Variants in BST1 observed in about 807,000 individuals in gnomAD.
BST1 encodes bone marrow stromal cell antigen 1.
BST1 carries 49 observed loss-of-function variants against 40.6 expected under a neutral mutation model. The observed-to-expected ratio is 1.21, with a 90% CI of 0.96 to 1.53. The LOEUF is 1.53. Among genes scored for constraint, BST1 ranks in the 40% most tolerant of loss-of-function variants. The probability of loss-of-function intolerance (pLI) is 0.00; values close to 1 mark genes in which losing one functional copy is unlikely to be tolerated. For missense variants in BST1, 423 were observed against 395.9 expected (o/e 1.07, Z -0.58); for synonymous variants, 157 against 159.3 (o/e 0.99, Z 0.11).
chr4:15,707,728 G>A (rs1042044353), intron 3 of BST1, 82 bp downstream of exon 3: 1 of 1,525,100 alleles, frequency 6.6e-7, no homozygotes. Context: ...GCTTTCATAT[G>A]CATTTATTTC....
intron 8 of BST1, among the ~76,000 whole-genome samples, chr4:15,728,512 G>A (rs1721227346): frequency 1.3e-5 from 2 of 148,836 alleles, no homozygotes; most frequent in South Asian, 2.1e-4. Flanking sequence ...GAGTGCAGTG[G>A]TGTGATCATG....
At chr4:15,713,061 T>A (rs1365892723) in intron 4 of BST1, among the ~76,000 whole-genome samples, 2 of 152,218 alleles carry the variant, frequency 1.3e-5, no homozygotes, top group African/African-American at 4.8e-5. Context: ...CTCATACTAG[T>A]GCCCACATTT....
rs760523265 is a variant in BST1, at chr4:15,729,434, GTGACAGAA to G, written c.852-2302_852-2295del. Among the ~76,000 whole-genome samples, 274 of 152,276 alleles carry G rather than the reference GTGACAGAA, an allele frequency of 1.8e-3. 4 individuals carry two copies. Among genetic ancestry groups the G allele is most frequent in the East Asian group, 5.8e-4 (3 of 5,184 alleles). ...GTCATGCCACTGCACTCCAGCCTGGGTGACAGAATGAGACCCTGTCTCAAAGAATAATA... is the reference window on the plus strand; with the variant it reads ...GTCATGCCACTGCACTCCAGCCTGGGTGAGACCCTGTCTCAAAGAATAATA... On this transcript the variant is annotated intron_variant, in intron 8 of 8. Transcript: ENST00000265016.
chr4:15,730,633 G>A (rs1468899499), intron 8 of BST1, among the ~76,000 whole-genome samples: 2 of 152,234 alleles, frequency 1.3e-5, no homozygotes, highest in Admixed American at 6.5e-5. Flanking sequence ...ATAATTTGCA[G>A]GGCAGCAGCA....
the BST1 span, among the ~76,000 whole-genome samples, chr4:15,755,169 C>T: frequency 6.6e-6 from 1 of 151,972 alleles, no homozygotes; most frequent in Non-Finnish European, 1.5e-5. Context: ...GATGGAGTCT[C>T]ACTCTGTCGC....
At chr4:15,718,719 G>T (rs961055517) in intron 6 of BST1, among the ~76,000 whole-genome samples, 188 bp from the exon 7 acceptor site, 1 of 152,164 alleles carries the variant, frequency 6.6e-6, no homozygotes, top group African/African-American at 2.4e-5. Context: ...GGTCCTCAGA[G>T]CATCGTCTCT....
the BST1 span, among the ~76,000 whole-genome samples, chr4:15,766,936 C>T: frequency 6.6e-6 from 1 of 151,800 alleles, no homozygotes; most frequent in African/African-American, 2.4e-5. Context: ...CACGTTGCTG[C>T]ATCCCACGCC....
At chr4:15,759,628 C>A in the BST1 span, among the ~76,000 whole-genome samples, 1 of 151,784 alleles carries the variant, frequency 6.6e-6, no homozygotes, top group African/African-American at 2.4e-5. Context: ...TTCCTTATTT[C>A]TCTTCCTAAG....
downstream of BST1, among the ~76,000 whole-genome samples, chr4:15,733,874 T>C (rs1721472331): frequency 6.6e-6 from 1 of 152,140 alleles, no homozygotes; most frequent in Non-Finnish European, 1.5e-5. Context: ...AGCCAAACCA[T>C]ATCAGAACTA....
chr4:15,749,263 G>T, the BST1 span, among the ~76,000 whole-genome samples: 2 of 152,188 alleles, frequency 1.3e-5, no homozygotes. Flanking sequence ...CCCATTGGAA[G>T]TTGAGAGGAT....
At chr4:15,761,160 T>C in the BST1 span, among the ~76,000 whole-genome samples, 1 of 151,964 alleles carries the variant, frequency 6.6e-6, no homozygotes, top group Non-Finnish European at 1.5e-5. Flanking sequence ...TTCTTGTGCC[T>C]CAGCCTCCCG....
chr4:15,715,837 G>A (rs1336895055), intron 6 of BST1, 38 bp downstream of exon 6: 2 of 1,434,536 alleles, frequency 1.4e-6, no homozygotes, highest in African/African-American at 2.9e-5. Flanking sequence ...AATTGCACAA[G>A]TTTGTTTTTC....
chr4:15,743,590 C>T, the BST1 span: 1 of 332,852 alleles, frequency 3.0e-6, no homozygotes, highest in Non-Finnish European at 5.9e-6. Context: ...CAGCTGGGAG[C>T]CTCTGCGGGA....
At chr4:15,767,237 A>T in the BST1 span, among the ~76,000 whole-genome samples, 1 of 152,134 alleles carries the variant, frequency 6.6e-6, no homozygotes, top group Non-Finnish European at 1.5e-5. Context: ...GGGGGTGCCG[A>T]GGGAAATGTG....
the BST1 span, among the ~76,000 whole-genome samples, chr4:15,756,687 A>G: frequency 6.6e-5 from 10 of 152,264 alleles, no homozygotes; most frequent in Admixed American, 3.3e-4. Flanking sequence ...TCTAGCAGGT[A>G]TGTTGCGCTG....
chr4:15,703,650 G>A (rs1292809936), intron 1 of BST1, among the ~76,000 whole-genome samples: 1 of 138,248 alleles, frequency 7.2e-6, no homozygotes, highest in African/African-American at 2.7e-5. Flanking sequence ...GTGTGCGCGC[G>A]CTCTAGAGGT....
rs1158119866 is a variant in BST1, at chr4:15,705,519, A to G, written c.193A>G (p.Lys65Glu). ...RALLSPEQRN[K>E]NCTAIWEAFK... The stretch of plus-strand genomic sequence containing the variant: ...CCAACTTGTACTTTTGCACAGGAAC[A>G]AGAACTGCACAGCCATCTGGGAAGC... Residue 65 changes from lysine to glutamate, a missense_variant, in exon 2 of 9, where the codon AAG becomes GAG. By Grantham distance (56) the Lys-to-Glu change is moderately conservative (BLOSUM62 1). Transcript: ENST00000265016. 2 of 1,579,164 alleles carry G rather than the reference A, an allele frequency of 1.3e-6. No homozygotes were observed. Among genetic ancestry groups the G allele is most frequent in the Non-Finnish European group, 1.7e-6 (2 of 1,165,316 alleles).
At chr4:15,712,755 T>A (rs887802369) in intron 4 of BST1, among the ~76,000 whole-genome samples, 1 of 152,172 alleles carries the variant, frequency 6.6e-6, no homozygotes, top group Admixed American at 6.6e-5. Flanking sequence ...AAACATATTC[T>A]GTTTATTATT....
In BST1 at chr4:15,704,501, A is replaced by G. The variant is rs551236127; in HGVS notation, c.189-1014A>G. ...GGTGAGGGGTGTGTGTGTGTAGTCT[A>G]GAGGTGACAGGTGTGTGTGTGTGGT... On this transcript the variant is annotated intron_variant, in intron 1 of 8. Coordinates refer to ENST00000265016, the MANE Select transcript of BST1 (RefSeq NM_004334.3). 2.0e-5 allele frequency among the ~76,000 whole-genome samples: 3 copies of G among 146,900 alleles called. No homozygotes were observed. In the South Asian group the frequency reaches 6.5e-4, roughly 32 times the overall value.
Sources: allele counts gnomAD v4.1 joint callset (sites outside exome capture counted in the v4.1 genomes callset), GRCh38; gene constraint gnomAD v4.1.1; transcripts MANE v1.5; gene names NCBI Gene and HGNC (gene_info 2026-07-23, HGNC 2026-07-21).